The following NLGN1 variants were observed in gnomAD, a reference collection of about 807,000 sequenced individuals.
The protein encoded by NLGN1 is neuroligin-1.
NLGN1 carries 12 observed loss-of-function variants against 65.5 expected under a neutral mutation model. The observed-to-expected ratio is 0.18, with a 90% CI of 0.12 to 0.30. The LOEUF (loss-of-function observed/expected upper bound fraction) is 0.30, where lower values mean the gene tolerates loss of function less well. Among genes scored for constraint, NLGN1 ranks in the 10% least tolerant of loss-of-function variants. NLGN1 has a pLI of 1.00. For missense variants in NLGN1, 750 were observed against 1,007.1 expected, an observed-to-expected ratio of 0.74 and a Z score of 3.46; for synonymous variants, 350 against 359.5, an observed-to-expected ratio of 0.97 and a Z score of 0.30.
chr3:174,128,197 AG>A (rs1357710507), intron 4 of NLGN1, among the ~76,000 whole-genome samples: 2 of 152,174 alleles, frequency 1.3e-5, no homozygotes, highest in Admixed American at 6.5e-5. Context: ...CTAAAACAAA[AG>A]GTCTTTTTTG....
intron 3 of NLGN1, among the ~76,000 whole-genome samples, chr3:173,693,846 A>G (rs2149836959): frequency 6.6e-6 from 1 of 152,228 alleles, no homozygotes; most frequent in Admixed American, 6.5e-5. Flanking sequence ...TTTTGGAGAA[A>G]GTTGAGGATA....
chr3:174,127,981 C>T (rs1307703908), intron 4 of NLGN1, among the ~76,000 whole-genome samples: 2 of 152,118 alleles, frequency 1.3e-5, no homozygotes, highest in Non-Finnish European at 2.9e-5. Flanking sequence ...CTAGTTCTAG[C>T]TGATTTTTGC....
At chr3:174,098,679 A>C (rs1323342822) in intron 4 of NLGN1, among the ~76,000 whole-genome samples, 3 of 152,186 alleles carry the variant, frequency 2.0e-5, no homozygotes, top group Non-Finnish European at 4.4e-5. Context: ...TGATTTAATC[A>C]GTTCAGTGTT....
At chr3:173,414,710 T>G (rs1278302540) in intron 1 of NLGN1, among the ~76,000 whole-genome samples, 2 of 152,106 alleles carry the variant, frequency 1.3e-5, no homozygotes, top group African/African-American at 4.8e-5. Context: ...ACCTGAACAT[T>G]AATGTCTTTG....
chr3:173,506,962 A>G (rs913417390), intron 2 of NLGN1, among the ~76,000 whole-genome samples: 3 of 152,122 alleles, frequency 2.0e-5, no homozygotes, highest in Non-Finnish European at 4.4e-5. Context: ...TGGTTTTTCA[A>G]ATGGTTGTGC....
At chr3:174,012,516 T>A (rs1342379955) in intron 4 of NLGN1, among the ~76,000 whole-genome samples, 1 of 152,216 alleles carries the variant, frequency 6.6e-6, no homozygotes, top group African/African-American at 2.4e-5. Context: ...TATTCTTGAC[T>A]AACACTATCT....
At chr3:173,654,919 G>A (rs1759752762) in intron 3 of NLGN1, among the ~76,000 whole-genome samples, 1 of 152,118 alleles carries the variant, frequency 6.6e-6, no homozygotes, top group South Asian at 2.1e-4. Context: ...TGTAAGCATA[G>A]AGCCAGTAGT....
At chr3:173,774,597 TG>T (rs1780033148) in intron 3 of NLGN1, among the ~76,000 whole-genome samples, 1 of 152,176 alleles carries the variant, frequency 6.6e-6, no homozygotes, top group South Asian at 2.1e-4. Flanking sequence ...TAGAATGGGC[TG>T]TTTATGGGCC....
chr3:174,070,809 C>A (rs1359941677), intron 4 of NLGN1, among the ~76,000 whole-genome samples: 1 of 152,106 alleles, frequency 6.6e-6, no homozygotes, highest in East Asian at 1.9e-4. Context: ...AATTCTAACA[C>A]TTTGGGAGGC....
intron 3 of NLGN1, among the ~76,000 whole-genome samples, chr3:173,755,321 A>G (rs560938870): frequency 2.0e-5 from 3 of 152,120 alleles, no homozygotes; most frequent in Non-Finnish European, 4.4e-5. Flanking sequence ...TTATTATTGC[A>G]TCATTCTTAT....
At chr3:174,206,917 C>A (rs1735524727) in intron 4 of NLGN1, among the ~76,000 whole-genome samples, 1 of 152,030 alleles carries the variant, frequency 6.6e-6, no homozygotes, top group African/African-American at 2.4e-5. Flanking sequence ...AGAGTAAGTA[C>A]TTCTGGTTGA....
chr3:173,805,068 C>T (rs1426118064), intron 3 of NLGN1, among the ~76,000 whole-genome samples: 1 of 152,064 alleles, frequency 6.6e-6, no homozygotes, highest in East Asian at 1.9e-4. Flanking sequence ...AGGTGGACCA[C>T]TCTGACAATG....
intron 2 of NLGN1, among the ~76,000 whole-genome samples, chr3:173,602,792 A>G (rs1560032660): frequency 6.6e-6 from 1 of 152,020 alleles, no homozygotes. Flanking sequence ...GCTGTGGCCC[A>G]CTATGATGCT....
intron 4 of NLGN1, among the ~76,000 whole-genome samples, chr3:174,060,472 A>G (rs906320157): frequency 3.9e-5 from 6 of 152,124 alleles, no homozygotes; most frequent in Admixed American, 1.3e-4. Flanking sequence ...GTAGGACTTA[A>G]AGCAAGTGGA....
At chr3:174,281,227 C>T in exon 7 of NLGN1, 1 of 1,613,170 alleles carries the variant, frequency 6.2e-7, no homozygotes, top group South Asian at 1.1e-5. Flanking sequence ...ACATTCAATA[C>T]ATTTACTGGA....
intron 3 of NLGN1, among the ~76,000 whole-genome samples, chr3:173,716,094 T>A (rs1267522481): frequency 6.6e-6 from 1 of 152,128 alleles, no homozygotes; most frequent in Non-Finnish European, 1.5e-5. Context: ...TTTCACGAAA[T>A]AAAATTGAGC....
At chr3:174,028,491 T>A (rs1427884115) in intron 4 of NLGN1, among the ~76,000 whole-genome samples, 1 of 152,162 alleles carries the variant, frequency 6.6e-6, no homozygotes, top group African/African-American at 2.4e-5. Context: ...TTGTGGAACT[T>A]TGAACTTGAG....
chr3:173,755,928 T>G (rs1404770962), intron 3 of NLGN1, among the ~76,000 whole-genome samples: 1 of 152,142 alleles, frequency 6.6e-6, no homozygotes, highest in East Asian at 1.9e-4. Flanking sequence ...ATGTTATATA[T>G]TGATTCAACT....
At chr3:173,702,415 A>G (rs908523510) in intron 3 of NLGN1, among the ~76,000 whole-genome samples, 7 of 148,062 alleles carry the variant, frequency 4.7e-5, no homozygotes, top group Non-Finnish European at 9.0e-5. Context: ...GCCCTTGCTC[A>G]TGGTGCCTGT....
Sources: gnomAD v4.1 joint callset for allele counts (sites outside exome capture counted in the v4.1 genomes callset) on GRCh38, gnomAD v4.1.1 for gene constraint, MANE v1.5 for transcripts, NCBI Gene and HGNC (gene_info 2026-07-23, HGNC 2026-07-21) for gene names.